Variants in DCP2 observed in about 807,000 individuals in gnomAD.
The protein encoded by DCP2 is decapping mRNA 2.
DCP2 carries 30 observed loss-of-function variants against 56.1 expected under a neutral mutation model. The ratio of observed to expected loss-of-function variants is 0.53; its 90% CI spans 0.40 to 0.73. The LOEUF is 0.73. Ranked by LOEUF, DCP2 falls within the 30% of genes least tolerant of loss-of-function variation. The pLI, the probability that DCP2 is intolerant of heterozygous loss-of-function variation, is 0.00. For synonymous variants in DCP2, 197 were observed against 163.3 expected, an observed-to-expected ratio of 1.21 and a Z score of -1.57; for missense variants, 533 against 502.7, an observed-to-expected ratio of 1.06 and a Z score of -0.58.
At position 112,976,816 on chromosome 5, in the gene DCP2, G is replaced by A. The variant is rs749689898; in HGVS notation, c.-118G>A. 4 of 1,031,490 alleles carry A rather than the reference G, an allele frequency of 3.9e-6. No individual in the cohort carries two copies. The highest frequency in any genetic ancestry group is 3.8e-5 in the South Asian group (3 of 79,414). 63.9% of individuals were successfully genotyped at this position (1,031,490 alleles called of 1,614,324 possible). On this transcript the variant is annotated 5_prime_UTR_variant, in exon 1 of 11. Transcript: ENST00000389063. ...TCCCCTTCTCGTCTCCGTTGGAGTC[G>A]TCTCTGCCGCGGCTTCCTCGGCTGC... is the stretch of plus-strand genomic sequence containing the variant.
At chr5:112,999,936 C>T (rs1386795888) in intron 4 of DCP2, among the ~76,000 whole-genome samples, 2 of 151,578 alleles carry the variant, frequency 1.3e-5, no homozygotes, top group African/African-American at 4.8e-5. Context: ...TGACAGGCAG[C>T]TGTAATCCCA....
chr5:113,012,133 A>G (rs973568911), intron 10 of DCP2, among the ~76,000 whole-genome samples: 23 of 152,310 alleles, frequency 1.5e-4, no homozygotes, highest in African/African-American at 5.5e-4. Context: ...AAAGCCGTAT[A>G]TTCAGGGACA....
rs1472165026 is a variant in DCP2, at chr5:113,018,993, TG to T, written c.*5511del. The T allele has an allele frequency of 6.6e-6, 1 of 152,216 alleles. No homozygotes were observed. The highest frequency in any genetic ancestry group is 1.5e-5 in the Non-Finnish European group (1 of 68,052). 9.4% of individuals were successfully genotyped at this position (152,216 alleles called of 1,614,324 possible). A position where few individuals can be genotyped will look rare whatever the true frequency, so the allele number is the denominator to read the frequency against. On this transcript the variant is annotated 3_prime_UTR_variant, in exon 11 of 11. Coordinates refer to ENST00000389063, the MANE Select transcript of DCP2 (RefSeq NM_152624.6). ...GGCTTGGGAACAACAGACTTGTGTG[TG>T]GTTCTAGAGTGAAATGGGCAGTGTT...
At chr5:112,992,351 A>G (rs985483650) in intron 3 of DCP2, 103 bp downstream of exon 3, 1 of 1,429,486 alleles carries the variant, frequency 7.0e-7, no homozygotes, top group African/African-American at 1.5e-5. Context: ...TTTAAAATAT[A>G]CTTAGATTTT....
At chr5:112,999,167 T>C (rs1000870217) in intron 4 of DCP2, among the ~76,000 whole-genome samples, 1 of 152,246 alleles carries the variant, frequency 6.6e-6, no homozygotes, top group African/African-American at 2.4e-5. Flanking sequence ...ATTCAGATTA[T>C]ACAATTTACT....
At chr5:112,986,969 C>T (rs1304142448) in intron 2 of DCP2, among the ~76,000 whole-genome samples, 3 of 152,144 alleles carry the variant, frequency 2.0e-5, no homozygotes, top group Admixed American at 2.0e-4. Flanking sequence ...CACCACTGCA[C>T]TCCAGCCTGG....
rs1368354755 is a variant in DCP2 at position 113,017,271 on chromosome 5, T to G, written c.*3787T>G. ...GCCTGGGGGATGGGGTTCATATGTGTTGTTGTAACTTTAGATTACTAAACA... is the reference window on the plus strand; with the variant it reads ...GCCTGGGGGATGGGGTTCATATGTGGTGTTGTAACTTTAGATTACTAAACA... On this transcript the variant is annotated 3_prime_UTR_variant, in exon 11 of 11. Transcript: ENST00000389063. 1 of 152,224 alleles carries G rather than the reference T, an allele frequency of 6.6e-6. No individual in the cohort carries two copies. The highest frequency in any genetic ancestry group is 1.5e-5 in the Non-Finnish European group (1 of 68,032). 9.4% of individuals were successfully genotyped at this position (152,224 alleles called of 1,614,324 possible). A position where few individuals can be genotyped will look rare whatever the true frequency, so the allele number is the denominator to read the frequency against.
At chr5:112,984,693 A>ATATATATATATAT (rs1267092599) in intron 1 of DCP2, 11 of 75,682 alleles carry the variant, frequency 1.5e-4, no homozygotes, top group South Asian at 7.2e-4. Flanking sequence ...AATTAAAAAA[A>ATATATATATATAT]AAAAAAAAAA....
At chr5:113,007,499 C>G (rs778069669) in intron 8 of DCP2, among the ~76,000 whole-genome samples, 3 of 151,548 alleles carry the variant, frequency 2.0e-5, no homozygotes, top group Non-Finnish European at 2.9e-5. Flanking sequence ...CTCCTGGGTT[C>G]GGGTGACTCT....
At chr5:112,979,713 C>CA (rs1747907059) in intron 1 of DCP2, among the ~76,000 whole-genome samples, 1 of 152,134 alleles carries the variant, frequency 6.6e-6, no homozygotes, top group Non-Finnish European at 1.5e-5. Context: ...TAACCTAAGG[C>CA]TGATGCTTTA....
At chr5:113,001,948 A>G (rs1749198856) in intron 7 of DCP2, among the ~76,000 whole-genome samples, 1 of 152,190 alleles carries the variant, frequency 6.6e-6, no homozygotes, top group South Asian at 2.1e-4. Flanking sequence ...AGGAAAAAAA[A>G]TCTTGTGTCG....
chr5:113,010,246 A>G (rs13159449), intron 9 of DCP2, among the ~76,000 whole-genome samples: 67,770 of 145,856 alleles, frequency 0.46, 16,574 homozygotes, highest in East Asian at 0.64. Context: ...AGGTCTCACC[A>G]TGTTACCCAG....
intron 4 of DCP2, among the ~76,000 whole-genome samples, chr5:112,997,344 T>C (rs1748907383): frequency 6.6e-6 from 1 of 152,256 alleles, no homozygotes; most frequent in African/African-American, 2.4e-5. Context: ...AACATCAACT[T>C]TCTTGAGAAT....
rs148829861 is a variant in DCP2, at chr5:112,980,553, A to G, written c.53+3567A>G. Among the ~76,000 whole-genome samples the G allele has an allele frequency of 5.0e-3, 756 of 150,872 alleles. 7 individuals carry two copies. The highest frequency in any genetic ancestry group is 0.017 in the African/African-American group (710 of 40,738). ...TTTTATTTCAGCTATTACTATATAC[A>G]CGTCCATACACATATGTACACGTAC... On this transcript the variant is annotated intron_variant, in intron 1 of 10. Coordinates refer to ENST00000389063, the MANE Select transcript of DCP2 (RefSeq NM_152624.6).
In DCP2 at chr5:113,015,672, G is replaced by A. The variant is rs373083036; in HGVS notation, c.*2188G>A. The A allele has an allele frequency of 9.2e-5, 14 of 152,740 alleles. No individual in the cohort carries two copies. The East Asian group carries it at 1.2e-3, about 13-fold the overall frequency. 9.5% of individuals were successfully genotyped at this position (152,740 alleles called of 1,614,324 possible). A position where few individuals can be genotyped will look rare whatever the true frequency, so the allele number is the denominator to read the frequency against. On this transcript the variant is annotated 3_prime_UTR_variant, in exon 11 of 11. Transcript: ENST00000389063. Reference sequence around the variant, plus strand: ...CCTCAAAGTTTGAGGTTAAAAAAATGTTAAAAGATGTGAGTTAAAGTTTAT... The same window carrying A: ...CCTCAAAGTTTGAGGTTAAAAAAATATTAAAAGATGTGAGTTAAAGTTTAT...
intron 2 of DCP2, among the ~76,000 whole-genome samples, chr5:112,988,318 T>TAAA (rs71224870): frequency 1.8e-4 from 25 of 136,718 alleles, no homozygotes; most frequent in African/African-American, 5.7e-4. Context: ...CCGTCTCTAC[T>TAAA]AAAAAAAAAA....
intron 10 of DCP2, 52 bp downstream of exon 10, chr5:113,010,859 G>A (rs368095981): frequency 1.3e-6 from 2 of 1,559,014 alleles, no homozygotes; most frequent in African/African-American, 2.8e-5. Flanking sequence ...ATTTGGTTTG[G>A]TTTACCTAAC....
intron 2 of DCP2, among the ~76,000 whole-genome samples, chr5:112,988,832 G>C (rs1277371074): frequency 1.3e-5 from 2 of 152,188 alleles, no homozygotes; most frequent in Non-Finnish European, 2.9e-5. Context: ...TTTTGCTTTG[G>C]TCATTTTGTA....
rs1227505596 is a variant in DCP2 at position 113,017,928 on chromosome 5, G to A, written c.*4444G>A. ...TGAAGTTTGATTGCCAAGCAATCCA[G>A]TGAATCTAAAGTAATTTTTCTCACT... On this transcript the variant is annotated 3_prime_UTR_variant, in exon 11 of 11. Transcript: ENST00000389063. 2 of 152,140 alleles carry A rather than the reference G, an allele frequency of 1.3e-5. No individual in the cohort carries two copies. The allele number at this position is 152,140 out of a possible 1,614,324, so 9.4% of individuals were successfully genotyped here.
Sources: allele counts gnomAD v4.1 joint callset (sites outside exome capture counted in the v4.1 genomes callset), GRCh38; gene constraint gnomAD v4.1.1; transcripts MANE v1.5; gene names NCBI Gene and HGNC (gene_info 2026-07-23, HGNC 2026-07-21).